The following NRG1 variants were observed in gnomAD, a reference collection of about 807,000 sequenced individuals.
NRG1 encodes the protein pro-neuregulin-1, membrane-bound isoform.
NRG1 carries 18 observed loss-of-function variants against 63.8 expected under a neutral mutation model. The ratio of observed to expected loss-of-function variants is 0.28; its 90% CI spans 0.19 to 0.42. The LOEUF (loss-of-function observed/expected upper bound fraction) is 0.42. Among genes scored for constraint, NRG1 ranks in the 10% least tolerant of loss-of-function variants. NRG1 has a pLI of 1.00. For missense variants in NRG1, 762 were observed against 814.7 expected (o/e 0.94, Z 0.79); for synonymous variants, 302 against 301.3 (o/e 1.00, Z -0.02).
At chr8:32,430,706 C>A (rs1818020570) in intron 1 of NRG1, among the ~76,000 whole-genome samples, 1 of 151,886 alleles carries the variant, frequency 6.6e-6, no homozygotes, top group African/African-American at 2.4e-5. Context: ...ACGACAGCAT[C>A]CATTTACTAG....
At chr8:32,179,050 A>G (rs1375250254) in intron 1 of NRG1, among the ~76,000 whole-genome samples, 3 of 152,064 alleles carry the variant, frequency 2.0e-5, no homozygotes, top group South Asian at 4.1e-4. Flanking sequence ...TAGCTCGGCT[A>G]TGATTTCAGA....
At chr8:32,367,552 T>C (rs1808238199) in intron 1 of NRG1, among the ~76,000 whole-genome samples, 1 of 152,158 alleles carries the variant, frequency 6.6e-6, no homozygotes, top group Non-Finnish European at 1.5e-5. Context: ...ATGTTGTTCC[T>C]GGATATACAA....
At chr8:32,149,775 G>C (rs962555988) in intron 1 of NRG1, among the ~76,000 whole-genome samples, 1 of 152,138 alleles carries the variant, frequency 6.6e-6, no homozygotes, top group Non-Finnish European at 1.5e-5. Flanking sequence ...TCAGCCAGTT[G>C]CAATAGCTTA....
intron 1 of NRG1, among the ~76,000 whole-genome samples, chr8:32,316,915 C>T (rs966156151): frequency 6.6e-6 from 1 of 152,186 alleles, no homozygotes; most frequent in East Asian, 1.9e-4. Context: ...GGAATAGGTA[C>T]TTTCAGACAG....
intron 1 of NRG1, among the ~76,000 whole-genome samples, chr8:31,901,519 T>C (rs1222309051): frequency 6.6e-6 from 1 of 152,208 alleles, no homozygotes; most frequent in Non-Finnish European, 1.5e-5. Flanking sequence ...CTAACCAGAC[T>C]CTGCCTTTTG....
chr8:32,173,405 A>C (rs1840306721), intron 1 of NRG1, among the ~76,000 whole-genome samples: 1 of 152,208 alleles, frequency 6.6e-6, no homozygotes, highest in Non-Finnish European at 1.5e-5. Flanking sequence ...TGTAAAGACC[A>C]TCAAAGCTAG....
intron 1 of NRG1, among the ~76,000 whole-genome samples, chr8:32,402,994 C>T (rs1813421175): frequency 6.6e-6 from 1 of 151,660 alleles, no homozygotes; most frequent in South Asian, 2.1e-4. Context: ...ACACAGAAGC[C>T]AAGAAAGAAA....
intron 5 of NRG1, among the ~76,000 whole-genome samples, chr8:32,628,490 T>A (rs1313448176): frequency 1.3e-5 from 2 of 151,878 alleles, no homozygotes; most frequent in East Asian, 3.9e-4. Context: ...ATTATGGGGG[T>A]GGGAGAGTTA....
intron 1 of NRG1, among the ~76,000 whole-genome samples, chr8:31,649,882 C>T (rs564921946): frequency 2.0e-4 from 31 of 152,146 alleles, no homozygotes; most frequent in Non-Finnish European, 4.0e-4. Flanking sequence ...CATTAATTGC[C>T]TCTACCCCAG....
intron 1 of NRG1, among the ~76,000 whole-genome samples, chr8:32,379,761 G>T (rs1184408331): frequency 6.6e-6 from 1 of 152,172 alleles, no homozygotes; most frequent in Admixed American, 6.5e-5. Context: ...TGTGTAGCTG[G>T]TTATTGGCAG....
intron 5 of NRG1, among the ~76,000 whole-genome samples, chr8:32,663,925 A>G (rs1457559552): frequency 6.6e-6 from 1 of 152,134 alleles, no homozygotes; most frequent in Non-Finnish European, 1.5e-5. Flanking sequence ...GACATTTCCT[A>G]TACTCTGTGG....
chr8:32,768,826 G>A (rs1831608875), downstream of NRG1, among the ~76,000 whole-genome samples: 2 of 152,094 alleles, frequency 1.3e-5, no homozygotes, highest in African/African-American at 4.8e-5. Context: ...TTGGAGTTTG[G>A]GGGTAACCTG....
intron 1 of NRG1, chr8:32,062,958 G>T (rs892341065): frequency 6.6e-6 from 1 of 151,910 alleles, no homozygotes; most frequent in African/African-American, 2.4e-5. Context: ...TTTAATATCT[G>T]GAGAAAAAAT....
intron 1 of NRG1, among the ~76,000 whole-genome samples, chr8:32,016,045 C>T (rs1031176051): frequency 1.6e-4 from 24 of 152,084 alleles, no homozygotes; most frequent in African/African-American, 4.8e-4. Flanking sequence ...AAATGAAACA[C>T]TTAGCCTCTA....
intron 5 of NRG1, among the ~76,000 whole-genome samples, chr8:32,625,982 T>G (rs145811337): frequency 6.6e-6 from 1 of 151,846 alleles, no homozygotes; most frequent in Non-Finnish European, 1.5e-5. Context: ...TTAGTAGAGA[T>G]GGGGTTTCAC....
At chr8:31,762,193 C>G (rs7462530) in intron 1 of NRG1, among the ~76,000 whole-genome samples, 110,471 of 152,052 alleles carry the variant, frequency 0.73, 40,763 homozygotes, top group East Asian at 0.99. Context: ...GACCAGTCCT[C>G]TAAGTTCCCT....
intron 1 of NRG1, among the ~76,000 whole-genome samples, chr8:31,982,000 G>T: frequency 6.6e-6 from 1 of 151,876 alleles, no homozygotes; most frequent in Non-Finnish European, 1.5e-5. Flanking sequence ...GGAACAACAT[G>T]TATAAATATA....
intron 5 of NRG1, among the ~76,000 whole-genome samples, chr8:32,635,937 C>T (rs894592718): frequency 1.3e-5 from 2 of 151,976 alleles, no homozygotes; most frequent in Admixed American, 1.3e-4. Context: ...TTTTTAGATG[C>T]CTTTGATGTC....
chr8:32,459,019 A>G (rs1463044216), intron 1 of NRG1, among the ~76,000 whole-genome samples: 2 of 152,200 alleles, frequency 1.3e-5, no homozygotes, highest in African/African-American at 4.8e-5. Flanking sequence ...GGTTTTAAAT[A>G]CCATACATAT....
Sources: allele counts gnomAD v4.1 joint callset (sites outside exome capture counted in the v4.1 genomes callset), GRCh38; gene constraint gnomAD v4.1.1; transcripts MANE v1.5; gene names NCBI Gene and HGNC (gene_info 2026-07-23, HGNC 2026-07-21).